The following ADARB2 variants were observed in gnomAD, a reference collection of about 807,000 sequenced individuals.
ADARB2 encodes the protein adenosine deaminase RNA specific B2 (inactive).
ADARB2 carries 25 observed loss-of-function variants against 62.2 expected under a neutral mutation model. The ratio of observed to expected loss-of-function variants is 0.40; its 90% CI spans 0.29 to 0.56. ADARB2 has a LOEUF of 0.56. ADARB2 is among the 20% of genes least tolerant of loss of function. ADARB2 has a pLI of 0.43. For synonymous variants in ADARB2, 572 were observed against 500.8 expected (o/e 1.14, Z -1.90); for missense variants, 1,071 against 1,077.4 (o/e 0.99, Z 0.08).
intron 7 of ADARB2, among the ~76,000 whole-genome samples, chr10:1,212,284 A>G (rs1837164506): frequency 6.6e-6 from 1 of 152,250 alleles, no homozygotes; most frequent in Admixed American, 6.5e-5. Flanking sequence ...CAAATAATGC[A>G]CGGCCCAGAT....
intron 1 of ADARB2, among the ~76,000 whole-genome samples, chr10:1,610,858 CCATA>C (rs750928427): frequency 6.6e-6 from 1 of 151,698 alleles, no homozygotes; most frequent in South Asian, 2.1e-4. Flanking sequence ...GCAGACACAC[CCATA>C]CATACACATA....
Position 1,734,480 on chromosome 10 carries a change from T to C in ADARB2, c.100+2571A>G, listed in dbSNP as rs537846098. On this transcript the variant is annotated intron_variant, in intron 1 of 9. Transcript: ENST00000381312. ...CTTTATTTCAGAGCTCACAGATCATTTTGATAAGAAGCATATCATGCCAAA... is the reference window on the plus strand; with the variant it reads ...CTTTATTTCAGAGCTCACAGATCATCTTGATAAGAAGCATATCATGCCAAA... Among the ~76,000 whole-genome samples, 322 of 152,292 alleles carry C rather than the reference T, an allele frequency of 2.1e-3. 1 individual carries two copies. The highest frequency in any genetic ancestry group is 5.5e-3 in the African/African-American group (228 of 41,542).
At chr10:1,372,324 A>AG (rs35939984) in intron 2 of ADARB2, among the ~76,000 whole-genome samples, 83,336 of 151,430 alleles carry the variant, frequency 0.55, 25,214 homozygotes, top group Middle Eastern at 0.7. Context: ...GGGAGGGAGG[A>AG]ATGGGTAAGA....
At chr10:1,648,712 G>A (rs551366361) in intron 1 of ADARB2, among the ~76,000 whole-genome samples, 57 of 152,244 alleles carry the variant, frequency 3.7e-4, no homozygotes, top group African/African-American at 1.4e-3. Context: ...CTACCATTAC[G>A]CTGACTAACG....
intron 1 of ADARB2, among the ~76,000 whole-genome samples, chr10:1,496,760 A>G (rs771029410): frequency 2.0e-5 from 3 of 152,148 alleles, no homozygotes; most frequent in Non-Finnish European, 4.4e-5. Flanking sequence ...CATCATTGTC[A>G]TTATCACCAG....
At chr10:1,247,180 G>A (rs1830993844) in intron 4 of ADARB2, among the ~76,000 whole-genome samples, 1 of 152,172 alleles carries the variant, frequency 6.6e-6, no homozygotes, top group Non-Finnish European at 1.5e-5. Context: ...CATTGATTTT[G>A]TATCCTGAGA....
At chr10:1,362,205 C>T (rs774863356) in intron 3 of ADARB2, among the ~76,000 whole-genome samples, 2 of 152,362 alleles carry the variant, frequency 1.3e-5, no homozygotes, top group South Asian at 2.1e-4. Context: ...ACAGGGCCTA[C>T]GCCGAGTAAC....
chr10:1,271,748 C>T (rs1831265479), intron 3 of ADARB2, among the ~76,000 whole-genome samples: 1 of 152,202 alleles, frequency 6.6e-6, no homozygotes, highest in Non-Finnish European at 1.5e-5. Context: ...CACAGTGTGG[C>T]TCTGTGGCCG....
At chr10:1,467,463 G>C (rs12782764) in intron 1 of ADARB2, among the ~76,000 whole-genome samples, 3 of 152,068 alleles carry the variant, frequency 2.0e-5, no homozygotes, top group Non-Finnish European at 4.4e-5. Flanking sequence ...AAGCAAACCC[G>C]AAAGCATCTC....
chr10:1,459,331 G>A (rs55984418), intron 1 of ADARB2, among the ~76,000 whole-genome samples: 44,886 of 152,086 alleles, frequency 0.3, 7,027 homozygotes, highest in East Asian at 0.53. Flanking sequence ...ACACCATGGC[G>A]TACTATGCAG....
chr10:1,334,544 T>G (rs1831956936), intron 3 of ADARB2, among the ~76,000 whole-genome samples: 1 of 152,266 alleles, frequency 6.6e-6, no homozygotes, highest in Non-Finnish European at 1.5e-5. Context: ...ATGCATTTAT[T>G]ATCATTCGTA....
At chr10:1,203,403 C>G (rs886909547) in intron 7 of ADARB2, among the ~76,000 whole-genome samples, 9 of 152,240 alleles carry the variant, frequency 5.9e-5, no homozygotes, top group African/African-American at 2.2e-4. Flanking sequence ...AGGCAGGGAA[C>G]AGGACCGCCC....
chr10:1,714,593 G>A (rs1005332050), intron 1 of ADARB2, among the ~76,000 whole-genome samples: 4 of 152,170 alleles, frequency 2.6e-5, no homozygotes, highest in Admixed American at 2.6e-4. Flanking sequence ...CCCTTCTTAT[G>A]TTTCTTATTT....
intron 1 of ADARB2, among the ~76,000 whole-genome samples, chr10:1,566,128 AGT>A (rs1198504123): frequency 6.8e-6 from 1 of 146,758 alleles, no homozygotes; most frequent in Admixed American, 6.8e-5. Context: ...GTGTACAGTG[AGT>A]GTGTGTGTAT....
Position 1,363,573 on chromosome 10 carries a change from T to C in ADARB2, c.532A>G (p.Lys178Glu). 1.9e-6 allele frequency: 3 copies of C among 1,584,100 alleles called. No individual in the cohort carries two copies. Among genetic ancestry groups the C allele is most frequent in the Non-Finnish European group, 2.6e-6 (3 of 1,165,764 alleles). Residue 178 changes from lysine to glutamate, a missense_variant, in exon 3 of 10, where the codon AAG becomes GAG. Transcript: ENST00000381312. ...AGTGCCAGCTCCGCCGCGCGCATCT[T>C]GGCCTTCTTCTTGGTGGGGCCTGTG... ...EGTGPTKKKA[K>E]MRAAELALRS...
intron 1 of ADARB2, among the ~76,000 whole-genome samples, chr10:1,385,984 GATA>G (rs1467311014): frequency 2.0e-5 from 3 of 152,030 alleles, no homozygotes; most frequent in Admixed American, 2.0e-4. Context: ...TTAAATACAA[GATA>G]ATGACAGTGT....
At chr10:1,542,998 C>G (rs886681005) in intron 1 of ADARB2, among the ~76,000 whole-genome samples, 2 of 152,240 alleles carry the variant, frequency 1.3e-5, no homozygotes, top group Non-Finnish European at 2.9e-5. Flanking sequence ...CGAGCAGATT[C>G]TTGTCCAGGT....
At chr10:1,375,915 G>A (rs957008644) in intron 2 of ADARB2, among the ~76,000 whole-genome samples, 2 of 136,250 alleles carry the variant, frequency 1.5e-5, no homozygotes, top group South Asian at 2.3e-4. Flanking sequence ...TACCACACTT[G>A]CCACACATGC....
At chr10:1,509,340 T>C (rs1403952220) in intron 1 of ADARB2, among the ~76,000 whole-genome samples, 8 of 152,220 alleles carry the variant, frequency 5.3e-5, no homozygotes, top group African/African-American at 1.9e-4. Context: ...ATTTTATTTT[T>C]TATGCAATCA....
Sources: gnomAD v4.1 joint callset for allele counts (sites outside exome capture counted in the v4.1 genomes callset) on GRCh38, gnomAD v4.1.1 for gene constraint, MANE v1.5 for transcripts, NCBI Gene and HGNC (gene_info 2026-07-23, HGNC 2026-07-21) for gene names.